Variants in TBC1D25 observed in about 807,000 individuals in gnomAD.
The protein encoded by TBC1D25 is 5SN3 snoRNA.
A neutral mutation model predicts 38.8 loss-of-function variants in TBC1D25; 13 were observed. That is an observed-to-expected ratio of 0.34 (90% CI 0.22 to 0.53). TBC1D25 has a LOEUF of 0.53. Ranked by LOEUF, TBC1D25 falls within the 20% of genes least tolerant of loss-of-function variation. The pLI is 0.94. For missense variants in TBC1D25, 372 were observed against 600.0 expected, an observed-to-expected ratio of 0.62 and a Z score of 3.97; for synonymous variants, 225 against 255.6, an observed-to-expected ratio of 0.88 and a Z score of 1.14.
intron 2 of TBC1D25, among the ~76,000 whole-genome samples, chrX:48,541,791 G>A (rs968236458): frequency 8.1e-5 from 9 of 111,675 alleles, no homozygotes; most frequent in African/African-American, 2.9e-4. Context: ...GTGCAAAAGC[G>A]ATACGCATTT....
intron 2 of TBC1D25, 41 bp from the exon 3 acceptor site, chrX:48,544,828 G>A (rs375837484): frequency 2.7e-4 from 325 of 1,200,688 alleles, no homozygotes; most frequent in Middle Eastern, 6.9e-4. Flanking sequence ...GGCCTCCAGG[G>A]CACCAGGGGC....
intron 3 of TBC1D25, among the ~76,000 whole-genome samples, chrX:48,553,122 T>A (rs1023335822): frequency 5.4e-5 from 6 of 110,207 alleles, no homozygotes; most frequent in African/African-American, 2.0e-4. Context: ...CGGGTTATCA[T>A]TCTGTTTTCT....
intron 3 of TBC1D25, among the ~76,000 whole-genome samples, chrX:48,558,636 G>A (rs977553262): frequency 8.9e-6 from 1 of 112,387 alleles, no homozygotes; most frequent in Non-Finnish European, 1.9e-5. Flanking sequence ...CTAGTGCTTG[G>A]CACATAGTAA....
chrX:48,550,312 AC>A (rs782558970), intron 3 of TBC1D25, among the ~76,000 whole-genome samples: 1 of 111,238 alleles, frequency 9.0e-6, no homozygotes, highest in Non-Finnish European at 1.9e-5. Context: ...TTAAATAATC[AC>A]CTTTTCTGCA....
chrX:48,559,083 C>T, intron 4 of TBC1D25, 59 bp downstream of exon 4: 2 of 1,204,633 alleles, frequency 1.7e-6, no homozygotes, highest in Non-Finnish European at 2.2e-6. Flanking sequence ...TTCCTGGCAC[C>T]CTGGTTCTGA....
chrX:48,554,228 T>C (rs62602522), intron 3 of TBC1D25, among the ~76,000 whole-genome samples: 54,219 of 104,896 alleles, frequency 0.52, 11,800 homozygotes, highest in African/African-American at 0.76. Context: ...TTGCGCCCAG[T>C]CTAAGAGTTT....
Position 48,558,941 on chromosome X carries a change from A to G in TBC1D25, c.433A>G (p.Ile145Val). The change falls in exon 4 of 6, where the codon ATT becomes GTT. Residue 145 changes from isoleucine to valine, a missense_variant. Ile to Val is a conservative substitution (Grantham distance 29). Transcript: ENST00000376771. Reference sequence around the variant, plus strand: ...GGACATAATCAGCCCCAAAGATGTCATTGGCTCCGACGTGTTGCTGGCTGA... The same window carrying G: ...GGACATAATCAGCCCCAAAGATGTCGTTGGCTCCGACGTGTTGCTGGCTGA... ...DWDIISPKDV[I>V]GSDVLLAEKR... The G allele has an allele frequency of 8.3e-7, 1 of 1,211,545 alleles. No individual in the cohort carries two copies.
Position 48,559,202 on chromosome X carries a change from G to A in TBC1D25, c.561G>A (p.Ser187=), listed in dbSNP as rs1556985211. The A allele has an allele frequency of 5.0e-6, 6 of 1,209,171 alleles. No individual in the cohort carries two copies. The South Asian group carries it at 5.3e-5, about 11-fold the overall frequency. Residue 187 remains serine (S), a synonymous_variant, in exon 5 of 6, where the codon TCG becomes TCA. Transcript: ENST00000376771. The part of the protein sequence containing the change: ...LSKVQQVLSW[S]YGEDVKPFKP... ...AGGTCCAACAAGTGCTGAGCTGGTC[G>A]TATGGGGAAGATGTCAAGCCCTTCA...
In TBC1D25 at chrX:48,560,489, G is replaced by A. The variant is rs782151194; in HGVS notation, c.1581G>A (p.Leu527=). The change falls in exon 6 of 6, where the codon CTG becomes CTA. Residue 527 remains leucine, a synonymous_variant. Transcript: ENST00000376771. ...MGSRRDPLVQ[L]PHPAALISSK... is the part of the protein sequence containing the mutation. ...CCAGGAGGGACCCTCTGGTCCAGCT[G>A]CCCCACCCAGCTGCCCTTATCAGCT... 1.7e-5 allele frequency: 20 copies of A among 1,208,179 alleles called. No homozygotes were observed. In the South Asian group the frequency reaches 3.4e-4, roughly 20 times the overall value.
At chrX:48,550,249 A>C (rs1263453697) in intron 3 of TBC1D25, among the ~76,000 whole-genome samples, 1 of 111,627 alleles carries the variant, frequency 9.0e-6, no homozygotes, top group African/African-American at 3.3e-5. Context: ...AGCCTCCCAA[A>C]GTGCTGAGAT....
At chrX:48,547,329 CAA>C (rs1297700506) in intron 3 of TBC1D25, among the ~76,000 whole-genome samples, 3 of 111,491 alleles carry the variant, frequency 2.7e-5, no homozygotes, top group South Asian at 3.7e-4. Context: ...GAGAGAGAAA[CAA>C]GAGTCAGAGG....
Position 48,541,401 on chromosome X carries a change from C to T in TBC1D25, c.192C>T (p.Asp64=). 2.5e-6 allele frequency: 3 copies of T among 1,211,994 alleles called. No individual in the cohort carries two copies. The highest frequency in any genetic ancestry group is 3.3e-6 in the Non-Finnish European group (3 of 895,620). The stretch of plus-strand genomic sequence containing the variant: ...TAGATCCCCAGATCACCTCGCTCGA[C>T]GTGTTGCAGCACATCCTCATCCGAG... ...FAVDPQITSL[D]VLQHILIRAF... Residue 64 remains aspartate, a synonymous_variant, in exon 2 of 6, where the codon GAC becomes GAT. Coordinates refer to ENST00000376771, the MANE Select transcript of TBC1D25 (RefSeq NM_002536.4).
chrX:48,546,923 A>G (rs1405997732), intron 3 of TBC1D25, among the ~76,000 whole-genome samples: 6 of 112,094 alleles, frequency 5.4e-5, no homozygotes, highest in African/African-American at 1.6e-4. Context: ...AAATTGTTTT[A>G]AATAGTTGTG....
intron 3 of TBC1D25, among the ~76,000 whole-genome samples, chrX:48,554,039 G>C (rs2061956951): frequency 9.3e-6 from 1 of 107,861 alleles, no homozygotes; most frequent in Non-Finnish European, 1.9e-5. Flanking sequence ...AAATTTGCCA[G>C]GTGTTGTGGC....
At chrX:48,546,663 A>G (rs1179225097) in intron 3 of TBC1D25, among the ~76,000 whole-genome samples, 4 of 112,390 alleles carry the variant, frequency 3.6e-5, no homozygotes, top group Non-Finnish European at 7.5e-5. Flanking sequence ...GGAAGGACAC[A>G]TTCAAACCAT....
At chrX:48,546,277 G>A (rs1203660650) in intron 3 of TBC1D25, among the ~76,000 whole-genome samples, 3 of 105,310 alleles carry the variant, frequency 2.8e-5, no homozygotes, top group Admixed American at 1.1e-4. Context: ...AGTTTAGGAG[G>A]CCGAGGCGGG....
At chrX:48,544,779 C>G in intron 2 of TBC1D25, 90 bp from the exon 3 acceptor site, 173 of 1,049,660 alleles carry the variant, frequency 1.6e-4, no homozygotes, top group Non-Finnish European at 2.0e-4. Flanking sequence ...TTTTCAACGC[C>G]TTCTATATTA....
rs782029057 is a variant in TBC1D25, at chrX:48,560,553, C to A, written c.1645C>A (p.Pro549Thr). The change falls in exon 6 of 6, where the codon CCA (proline) becomes ACA (threonine). Residue 549 changes from proline (P) to threonine (T), a missense_variant. Coordinates refer to ENST00000376771, the MANE Select transcript of TBC1D25 (RefSeq NM_002536.4). ...LSEPLLNSPDPLLSSFSHPDS... is the reference protein window; with the variant it reads ...LSEPLLNSPDTLLSSFSHPDS... ...TGAGCCTTTATTGAACTCCCCAGAC[C>A]CACTGCTCTCCTCCTTTTCCCACCC... The A allele has an allele frequency of 3.3e-6, 4 of 1,208,653 alleles. No homozygotes were observed. The highest frequency in any genetic ancestry group is 1.8e-5 in the South Asian group (1 of 56,343).
chrX:48,559,139 C>A lies in TBC1D25; in HGVS notation c.517-19C>A. The A allele has an allele frequency of 6.6e-6, 8 of 1,205,944 alleles. No homozygotes were observed. The highest frequency in any genetic ancestry group is 9.0e-6 in the Non-Finnish European group (8 of 892,192). ...CCCTAGTCCACACAGCTGATGGTGG[C>A]CTCCCTCCCTCCTCATAGGTGGGCC... is the stretch of plus-strand genomic sequence containing the variant. On this transcript the variant is annotated intron_variant, in intron 4 of 5. Coordinates refer to ENST00000376771, the MANE Select transcript of TBC1D25 (RefSeq NM_002536.4).
Sources: allele counts gnomAD v4.1 joint callset (sites outside exome capture counted in the v4.1 genomes callset), GRCh38; gene constraint gnomAD v4.1.1; transcripts MANE v1.5; gene names NCBI Gene and HGNC (gene_info 2026-07-23, HGNC 2026-07-21).